ZNF425: variants seen among roughly 807,000 people sequenced by gnomAD.
ZNF425 encodes zinc finger protein 425.
A neutral mutation model predicts 17.0 loss-of-function variants in ZNF425; 21 were observed. The ratio of observed to expected loss-of-function variants is 1.23; its 90% CI spans 0.88 to 1.78. The LOEUF is 1.78. Ranked by LOEUF, ZNF425 falls within the 40% of genes most tolerant of loss-of-function variation. The pLI, the probability that ZNF425 is intolerant of heterozygous loss-of-function variation, is 0.00. For synonymous variants in ZNF425, 433 were observed against 384.1 expected, an observed-to-expected ratio of 1.13 and a Z score of -1.49; for missense variants, 868 against 967.3, an observed-to-expected ratio of 0.90 and a Z score of 1.36.
chr7:149,107,540 T>C (rs1826102294), intron 3 of ZNF425, among the ~76,000 whole-genome samples: 1 of 151,946 alleles, frequency 6.6e-6, no homozygotes, highest in African/African-American at 2.4e-5. Flanking sequence ...GGTTTCATCA[T>C]GTTAGCCAGG....
At chr7:149,121,079 CTTTTTTTTTT>C (rs75534831) in intron 1 of ZNF425, among the ~76,000 whole-genome samples, 1 of 62,758 alleles carries the variant, frequency 1.6e-5, no homozygotes, top group African/African-American at 8.7e-5. Context: ...TTTTACATTC[CTTTTTTTTTT>C]TTTTTTTTTT....
chr7:149,123,591 G>C (rs1456072827), intron 1 of ZNF425, among the ~76,000 whole-genome samples: 17 of 152,100 alleles, frequency 1.1e-4, no homozygotes, highest in Non-Finnish European at 1.2e-4. Context: ...GAGTGCAGTG[G>C]CACAATCTTG....
chr7:149,117,303 G>C (rs535719850), intron 2 of ZNF425, among the ~76,000 whole-genome samples: 2 of 151,454 alleles, frequency 1.3e-5, no homozygotes, highest in Admixed American at 1.3e-4. Flanking sequence ...AGAATAAGCC[G>C]GATAAGCAGC....
intron 1 of ZNF425, among the ~76,000 whole-genome samples, chr7:149,122,155 T>G (rs1826367652): frequency 6.7e-6 from 1 of 149,740 alleles, no homozygotes; most frequent in African/African-American, 2.5e-5. Context: ...ATGGTCTCGA[T>G]CTCCTGACCT....
chr7:149,114,012 T>TA lies in ZNF425; in HGVS notation c.146-1718dup, dbSNP rs35168465. Among the ~76,000 whole-genome samples, 862 of 120,560 alleles carry TA rather than the reference T, an allele frequency of 7.1e-3. 9 individuals carry two copies. Among genetic ancestry groups the TA allele is most frequent in the African/African-American group, 0.02 (620 of 30,650 alleles). The allele number at this position is 120,560 out of a possible 152,430, so 79.1% of individuals were successfully genotyped here. On this transcript the variant is annotated intron_variant, in intron 2 of 3. Transcript: ENST00000378061. ...CTAGGTGATAGAGAGAGACTCTGTC[T>TA]AAAAAAAAAAAAAAAAAAAAGACTG...
chr7:149,106,743 G>A (rs1163317119), intron 3 of ZNF425, among the ~76,000 whole-genome samples: 5 of 152,244 alleles, frequency 3.3e-5, no homozygotes, highest in African/African-American at 1.2e-4. Flanking sequence ...GTAAGCAGAA[G>A]TTGGAGACAG....
chr7:149,110,833 C>T (rs553417810), intron 3 of ZNF425, among the ~76,000 whole-genome samples: 132 of 136,080 alleles, frequency 9.7e-4, no homozygotes, highest in African/African-American at 3.0e-3. Flanking sequence ...CCCACTCTGT[C>T]GCCCAGGCTG....
chr7:149,107,523 G>C (rs1181980896), intron 3 of ZNF425, among the ~76,000 whole-genome samples: 3 of 151,782 alleles, frequency 2.0e-5, no homozygotes, highest in African/African-American at 7.3e-5. Context: ...ATTTTTAGTA[G>C]AGACGGGGTT....
chr7:149,115,100 A>ATTTTTTTTTTTTT (rs71192755), intron 2 of ZNF425, among the ~76,000 whole-genome samples: 1 of 123,894 alleles, frequency 8.1e-6, no homozygotes, highest in Non-Finnish European at 1.7e-5. Context: ...ACGCTGGCTA[A>ATTTTTTTTTTTTT]TTTTTTTTTT....
chr7:149,125,529 T>C (rs563227833), intron 1 of ZNF425, among the ~76,000 whole-genome samples: 8 of 152,282 alleles, frequency 5.3e-5, no homozygotes, highest in Non-Finnish European at 1.0e-4. Flanking sequence ...TCTCTGAAAC[T>C]ACCTTCAGCA....
chr7:149,111,590 T>TAAAAAAAAAAAAAAAAAAAAAAAAAAA lies in ZNF425; in HGVS notation c.304+520_304+546dup, dbSNP rs60783786. Reference sequence around the variant, plus strand: ...CTGGGTGACAGAGCAAGACTCTGTCTAAAAAAAAAAAAAAAAAAAAAAAAA... The same window carrying TAAAAAAAAAAAAAAAAAAAAAAAAAAA: ...CTGGGTGACAGAGCAAGACTCTGTCTAAAAAAAAAAAAAAAAAAAAAAAAAAAAAAAAAAAAAAAAAAAAAAAAAAAA... On this transcript the variant is annotated intron_variant, in intron 3 of 3. Coordinates refer to ENST00000378061, the MANE Select transcript of ZNF425 (RefSeq NM_001001661.3). Among the ~76,000 whole-genome samples, 2 of 54,382 alleles carry TAAAAAAAAAAAAAAAAAAAAAAAAAAA rather than the reference T, an allele frequency of 3.7e-5. 1 individual carries two copies. The highest frequency in any genetic ancestry group is 6.6e-5 in the Non-Finnish European group (2 of 30,424). The allele number at this position is 54,382 out of a possible 152,430, so 35.7% of individuals were successfully genotyped here. A position where few individuals can be genotyped will look rare whatever the true frequency, so the allele number is the denominator to read the frequency against.
At chr7:149,108,987 A>G (rs1826128270) in intron 3 of ZNF425, among the ~76,000 whole-genome samples, 1 of 141,826 alleles carries the variant, frequency 7.1e-6, no homozygotes, top group Non-Finnish European at 1.5e-5. Context: ...GTCTAACACC[A>G]ATTTATGTTT....
chr7:149,123,856 T>C (rs1374885671), intron 1 of ZNF425, among the ~76,000 whole-genome samples: 1 of 150,130 alleles, frequency 6.7e-6, no homozygotes, highest in African/African-American at 2.4e-5. Context: ...TTTTTTTTTT[T>C]TTCCTTTTTG....
Position 149,104,941 on chromosome 7 carries a change from G to GT in ZNF425, c.929_930insA (p.Phe311LeufsTer26). On this transcript the variant is annotated frameshift_variant, in exon 4 of 4. Transcript: ENST00000378061. LOFTEE classifies it low-confidence loss of function (END_TRUNC). This position sits in a 1 kb window ranked among gnomAD's most constrained non-coding sequence, Gnocchi z 4.3. ...CCGTGAGCTCGCACTGCTGCACGAA[G>GT]GCCCGGCCGCACTCCCCGCAGCAGA... 6.2e-7 allele frequency: 1 copy of GT among 1,613,900 alleles called. No individual in the cohort carries two copies. The highest frequency in any genetic ancestry group is 8.5e-7 in the Non-Finnish European group (1 of 1,180,004).
rs781577739 is a variant in ZNF425, at chr7:149,104,777, C to T, written c.1094G>A (p.Arg365Gln). The change falls in exon 4 of 4, where the codon CGG becomes CAG. Residue 365 changes from arginine to glutamine, a missense_variant. Around this residue, in one of 5 missense-constraint regions of ZNF425, gnomAD observed 243 missense variants for 265.2 expected, o/e 0.92. Coordinates refer to ENST00000378061, the MANE Select transcript of ZNF425 (RefSeq NM_001001661.3). This position sits in a 1 kb window ranked among gnomAD's most constrained non-coding sequence, Gnocchi z 4.3. Reference sequence around the variant, plus strand: ...CAGGGCAGCCTTCCGGGAGAAGCTCCGGCCACACTCGGGACAGTGGAAGGG... The same window carrying T: ...CAGGGCAGCCTTCCGGGAGAAGCTCTGGCCACACTCGGGACAGTGGAAGGG... ...KRPFHCPECG[R>Q]SFSRKAALKT... The T allele has an allele frequency of 2.5e-6, 4 of 1,612,966 alleles. No homozygotes were observed. In the African/African-American group the frequency reaches 4.0e-5, roughly 16 times the overall value.
chr7:149,117,250 C>CAA (rs57437593), intron 2 of ZNF425, among the ~76,000 whole-genome samples: 78 of 143,496 alleles, frequency 5.4e-4, no homozygotes, highest in Middle Eastern at 3.6e-3. Flanking sequence ...GACTCCGTCT[C>CAA]AAAAAAAAAA....
chr7:149,104,471 T>C lies in ZNF425; in HGVS notation c.1400A>G (p.Gln467Arg). 6 of 1,598,824 alleles carry C rather than the reference T, an allele frequency of 3.8e-6. No homozygotes were observed. The African/African-American group carries it at 5.4e-5, about 14-fold the overall frequency. ...GCACTCGGCGCAGGGGAAGGGCTTT[T>C]GCTCGCTGTGCAGGCGCTGGTGGGC... ...MRAHQRLHSEQKPFPCAECGK... is the reference protein window; with the variant it reads ...MRAHQRLHSERKPFPCAECGK... The change falls in exon 4 of 4, where the codon CAA becomes CGA. Residue 467 changes from glutamine (Q) to arginine (R), a missense_variant. This residue lies in a region of ZNF425 where 437 missense variants were observed against 444.2 expected (regional missense o/e 0.98). Transcript: ENST00000378061. This position sits in a 1 kb window ranked among gnomAD's most constrained non-coding sequence, Gnocchi z 4.3.
intron 1 of ZNF425, among the ~76,000 whole-genome samples, chr7:149,120,885 T>G (rs1200202404): frequency 6.6e-6 from 1 of 152,158 alleles, no homozygotes; most frequent in South Asian, 2.1e-4. Flanking sequence ...GAGAAATATT[T>G]TGGTTTTAAC....
intron 2 of ZNF425, among the ~76,000 whole-genome samples, chr7:149,115,561 A>G (rs1826251411): frequency 6.6e-6 from 1 of 151,836 alleles, no homozygotes; most frequent in African/African-American, 2.4e-5. Context: ...GTGGTGGCGC[A>G]CGCCTGTAAT....
Sources: gnomAD v4.1 joint callset for allele counts (sites outside exome capture counted in the v4.1 genomes callset) on GRCh38, gnomAD v4.1.1 for gene constraint, gnomAD v4.1.1 regional missense constraint, Gnocchi (gnomAD v3.1) non-coding constraint, MANE v1.5 for transcripts, NCBI Gene and HGNC (gene_info 2026-07-23, HGNC 2026-07-21) for gene names.